The following CAMKMT variants were observed in gnomAD, a reference collection of about 807,000 sequenced individuals.
CAMKMT encodes calmodulin-lysine N-methyltransferase.
In CAMKMT, 53 loss-of-function variants were observed where a neutral mutation model predicts 48.0. That is an observed-to-expected ratio of 1.10 (90% CI 0.89 to 1.39). CAMKMT has a LOEUF of 1.39. Ranked by LOEUF, CAMKMT falls within the 40% of genes most tolerant of loss-of-function variation. The pLI is 0.00. For synonymous variants in CAMKMT, 165 were observed against 152.3 expected, an observed-to-expected ratio of 1.08 and a Z score of -0.61; for missense variants, 428 against 402.7, an observed-to-expected ratio of 1.06 and a Z score of -0.54.
chr2:44,457,725 A>G lies in CAMKMT; in HGVS notation c.376+67420A>G, dbSNP rs192069032. On this transcript the variant is annotated intron_variant, in intron 3 of 10. Transcript: ENST00000378494. Reference sequence around the variant, plus strand: ...TAAGTCATATTTCTTAAAAGTGCCTAGTGTACAAGAGTCTTTGAAACTAGA... The same window carrying G: ...TAAGTCATATTTCTTAAAAGTGCCTGGTGTACAAGAGTCTTTGAAACTAGA... 7.2e-5 allele frequency among the ~76,000 whole-genome samples: 11 copies of G among 152,272 alleles called. No individual in the cohort carries two copies. In the East Asian group the frequency reaches 2.1e-3, roughly 29 times the overall value.
rs1193359911 is a variant in CAMKMT, at chr2:44,588,812, G to A, written c.377-115471G>A. 1.8e-3 allele frequency among the ~76,000 whole-genome samples: 67 copies of A among 36,654 alleles called. 7 individuals carry two copies. Among genetic ancestry groups the A allele is most frequent in the South Asian group, 4.2e-3 (4 of 946 alleles). The allele number at this position is 36,654 out of a possible 152,430, so 24.0% of individuals were successfully genotyped here. ...CACTGCCCGGCCAGCCGCCCCGTCC[G>A]GGAGGGAGGTGGGGGGGGTCAGCCC... On this transcript the variant is annotated intron_variant, in intron 3 of 10. Coordinates refer to ENST00000378494, the MANE Select transcript of CAMKMT (RefSeq NM_024766.5).
At chr2:44,714,664 C>T (rs1207874986) in intron 6 of CAMKMT, among the ~76,000 whole-genome samples, 1 of 152,156 alleles carries the variant, frequency 6.6e-6, no homozygotes, top group African/African-American at 2.4e-5. Flanking sequence ...ATTGCTCTCC[C>T]TGCTGACAGA....
At chr2:44,479,080 C>G (rs1351146056) in intron 3 of CAMKMT, among the ~76,000 whole-genome samples, 1 of 152,158 alleles carries the variant, frequency 6.6e-6, no homozygotes, top group Non-Finnish European at 1.5e-5. Context: ...TACTAATCCT[C>G]AACAGTAAAT....
chr2:44,671,861 G>A (rs1402887485), intron 3 of CAMKMT, among the ~76,000 whole-genome samples: 1 of 152,020 alleles, frequency 6.6e-6, no homozygotes, highest in South Asian at 2.1e-4. Flanking sequence ...CCAAGACAAA[G>A]GGCAGTTCCC....
chr2:44,712,710 T>C (rs2104295421), intron 6 of CAMKMT, among the ~76,000 whole-genome samples: 1 of 152,240 alleles, frequency 6.6e-6, no homozygotes, highest in East Asian at 1.9e-4. Context: ...CCCACTGAAG[T>C]CCTCCAGAAG....
At chr2:44,402,327 T>TG (rs1682454657) in intron 3 of CAMKMT, among the ~76,000 whole-genome samples, 1 of 116,448 alleles carries the variant, frequency 8.6e-6, no homozygotes, top group Admixed American at 9.5e-5. Flanking sequence ...AGACTCTGTC[T>TG]AAAAAAAAAA....
chr2:44,522,861 C>G (rs1047076525), intron 3 of CAMKMT, among the ~76,000 whole-genome samples: 1 of 152,160 alleles, frequency 6.6e-6, no homozygotes, highest in Non-Finnish European at 1.5e-5. Context: ...CAAGAATAAG[C>G]CAGGTAGCAC....
intron 7 of CAMKMT, among the ~76,000 whole-genome samples, chr2:44,741,588 A>C (rs1440296219): frequency 6.6e-6 from 1 of 152,196 alleles, no homozygotes; most frequent in African/African-American, 2.4e-5. Context: ...TGCTGTGCTA[A>C]AGCTGAACTC....
At chr2:44,367,526 C>T (rs1171817731) in intron 1 of CAMKMT, among the ~76,000 whole-genome samples, 1 of 152,212 alleles carries the variant, frequency 6.6e-6, no homozygotes, top group Admixed American at 6.5e-5. Flanking sequence ...CAAGCCTTCT[C>T]TTTATGTTTT....
At chr2:44,462,650 T>C (rs546129697) in intron 3 of CAMKMT, among the ~76,000 whole-genome samples, 211 of 152,308 alleles carry the variant, frequency 1.4e-3, no homozygotes, top group African/African-American at 4.7e-3. Context: ...TCATGTGTAA[T>C]CTGACAGTTT....
At position 44,477,775 on chromosome 2, in the gene CAMKMT, A is replaced by G. The variant is rs111804924; in HGVS notation, c.376+87470A>G. Among the ~76,000 whole-genome samples the G allele has an allele frequency of 8.1e-3, 1,232 of 152,362 alleles. 14 individuals carry two copies. The highest frequency in any genetic ancestry group is 0.028 in the African/African-American group (1,176 of 41,586). Reference sequence around the variant, plus strand: ...CCAGGCCAGACATGTAAAGATATTTAAAGAAAAGAAGGAAGGTGATAGGCC... The same window carrying G: ...CCAGGCCAGACATGTAAAGATATTTGAAGAAAAGAAGGAAGGTGATAGGCC... On this transcript the variant is annotated intron_variant, in intron 3 of 10. Coordinates refer to ENST00000378494, the MANE Select transcript of CAMKMT (RefSeq NM_024766.5).
chr2:44,406,833 G>C (rs1682814468), intron 3 of CAMKMT, among the ~76,000 whole-genome samples: 1 of 152,160 alleles, frequency 6.6e-6, no homozygotes. Flanking sequence ...GAACTCCTGG[G>C]CTCAAGCAAT....
At chr2:44,377,213 C>T (rs899292715) in intron 2 of CAMKMT, among the ~76,000 whole-genome samples, 1 of 152,016 alleles carries the variant, frequency 6.6e-6, no homozygotes, top group Non-Finnish European at 1.5e-5. Context: ...TGCTGTGTTG[C>T]CCAGGCTGGT....
chr2:44,665,307 G>A (rs922253445), intron 3 of CAMKMT, among the ~76,000 whole-genome samples: 2 of 152,086 alleles, frequency 1.3e-5, no homozygotes, highest in South Asian at 2.1e-4. Flanking sequence ...CTGACCTCAG[G>A]TGATCCTCCC....
At chr2:44,394,870 A>C (rs1208914198) in intron 3 of CAMKMT, 1 of 454,184 alleles carries the variant, frequency 2.2e-6, no homozygotes, top group Admixed American at 2.3e-5. Context: ...AGACTCATTA[A>C]AATAAAAGTC....
At chr2:44,483,843 T>C (rs777793502) in intron 3 of CAMKMT, among the ~76,000 whole-genome samples, 1 of 152,148 alleles carries the variant, frequency 6.6e-6, no homozygotes, top group Admixed American at 6.5e-5. Context: ...GTGATAGGAG[T>C]GGAGCTTCTG....
intron 7 of CAMKMT, among the ~76,000 whole-genome samples, chr2:44,737,737 GTTCTCTCTCTCTCTCT>G (rs924933050): frequency 1.3e-5 from 2 of 151,742 alleles, no homozygotes; most frequent in Admixed American, 6.6e-5. Flanking sequence ...GATCTCCAGA[GTTCTCTCTCTCTCTCT>G]TTCTCTCTCT....
intron 3 of CAMKMT, among the ~76,000 whole-genome samples, chr2:44,517,251 G>T (rs903568760): frequency 6.6e-6 from 1 of 151,992 alleles, no homozygotes; most frequent in Non-Finnish European, 1.5e-5. Context: ...TGAAGACAAC[G>T]CAAAAATGTA....
intron 3 of CAMKMT, among the ~76,000 whole-genome samples, chr2:44,431,321 G>C (rs1351366619): frequency 6.6e-6 from 1 of 152,080 alleles, no homozygotes; most frequent in African/African-American, 2.4e-5. Context: ...TAGGAAAATT[G>C]AGAAAATATT....
Sources: allele counts gnomAD v4.1 joint callset (sites outside exome capture counted in the v4.1 genomes callset), GRCh38; gene constraint gnomAD v4.1.1; transcripts MANE v1.5; gene names NCBI Gene and HGNC (gene_info 2026-07-23, HGNC 2026-07-21).